TSPAN18: variants seen among roughly 807,000 people sequenced by gnomAD.
The protein encoded by TSPAN18 is tetraspanin-18.
In TSPAN18, 14 loss-of-function variants were observed where a neutral mutation model predicts 27.3. The ratio of observed to expected loss-of-function variants is 0.51; its 90% CI spans 0.34 to 0.80. The LOEUF (loss-of-function observed/expected upper bound fraction) is 0.80. Among genes scored for constraint, TSPAN18 ranks in the 30% least tolerant of loss-of-function variants. The pLI, the probability that TSPAN18 is intolerant of heterozygous loss-of-function variation, is 0.01. For missense variants in TSPAN18, 268 were observed against 323.9 expected (o/e 0.83, Z 1.32); for synonymous variants, 143 against 136.5 (o/e 1.05, Z -0.33).
Position 44,882,836 on chromosome 11 carries a change from C to A in TSPAN18, c.-11+22367C>A, listed in dbSNP as rs77638647. 2.8e-3 allele frequency among the ~76,000 whole-genome samples: 432 copies of A among 152,242 alleles called. 3 individuals are homozygous for A. Among genetic ancestry groups the A allele is most frequent in the African/African-American group, 0.01 (420 of 41,540 alleles). The stretch of plus-strand genomic sequence containing the variant: ...AAACCCAGACCCCCAGACCCCCAGA[C>A]CCAAGGGCGCTGCCTTTTGTTCTTA... On this transcript the variant is annotated intron_variant, in intron 3 of 9. Transcript: ENST00000520358.
At chr11:44,825,338 A>G (rs144707976) in intron 2 of TSPAN18, among the ~76,000 whole-genome samples, 377 of 152,268 alleles carry the variant, frequency 2.5e-3, no homozygotes, top group Non-Finnish European at 4.4e-3. Context: ...CTTTTTCCCC[A>G]TTTCACAAAT....
chr11:44,833,329 G>T (rs188543622), intron 2 of TSPAN18, among the ~76,000 whole-genome samples: 1 of 152,188 alleles, frequency 6.6e-6, no homozygotes, highest in East Asian at 1.9e-4. Context: ...TTGGTTTAAT[G>T]ATCAGAGACA....
upstream of TSPAN18, chr11:44,726,956 G>C: frequency 6.8e-6 from 1 of 146,166 alleles, no homozygotes; most frequent in Non-Finnish European, 1.5e-5. Flanking sequence ...GGGCTGGCGG[G>C]CGTGCAGCTG....
At chr11:44,846,445 G>A (rs1857483784) in intron 2 of TSPAN18, among the ~76,000 whole-genome samples, 1 of 152,268 alleles carries the variant, frequency 6.6e-6, no homozygotes, top group South Asian at 2.1e-4. Flanking sequence ...CCTCCCCTGA[G>A]GCCAGAGCTT....
chr11:44,904,426 G>A (rs1192072601), intron 3 of TSPAN18, among the ~76,000 whole-genome samples: 3 of 152,218 alleles, frequency 2.0e-5, no homozygotes. Context: ...CTTCCTCTTG[G>A]GCTCCAGGCA....
intron 2 of TSPAN18, among the ~76,000 whole-genome samples, chr11:44,858,871 C>A (rs1857805028): frequency 6.6e-6 from 1 of 152,314 alleles, no homozygotes; most frequent in South Asian, 2.1e-4. Context: ...TTGAAACAAT[C>A]TCTGTTGTCA....
chr11:44,890,164 G>A (rs1211394634), intron 3 of TSPAN18, among the ~76,000 whole-genome samples: 1 of 152,208 alleles, frequency 6.6e-6, no homozygotes, highest in Non-Finnish European at 1.5e-5. Context: ...ATTGTTGAGT[G>A]GCAGATTGGA....
chr11:44,912,368 C>G (rs149500372), intron 5 of TSPAN18, among the ~76,000 whole-genome samples: 101 of 151,838 alleles, frequency 6.7e-4, no homozygotes, highest in African/African-American at 2.2e-3. Flanking sequence ...TTTCCTTGTC[C>G]CTGTCCTGAT....
chr11:44,882,415 C>T (rs1349194977), intron 3 of TSPAN18, among the ~76,000 whole-genome samples: 1 of 152,150 alleles, frequency 6.6e-6, no homozygotes, highest in Non-Finnish European at 1.5e-5. Flanking sequence ...GTGGTTCACA[C>T]ATGCAGAGCC....
intron 5 of TSPAN18, 199 bp from the exon 6 acceptor site, chr11:44,917,773 T>G: frequency 1.7e-6 from 1 of 595,600 alleles, no homozygotes; most frequent in Non-Finnish European, 3.0e-6. Context: ...TTTCATATTT[T>G]GATCTCAATC....
intron 3 of TSPAN18, among the ~76,000 whole-genome samples, chr11:44,899,796 C>T (rs918893132): frequency 3.9e-5 from 6 of 152,180 alleles, no homozygotes; most frequent in African/African-American, 1.4e-4. Flanking sequence ...TAGGCCGGGT[C>T]CCACCTGACC....
At chr11:44,926,825 C>T in intron 9 of TSPAN18, 68 bp downstream of exon 9, 1 of 1,542,492 alleles carries the variant, frequency 6.5e-7, no homozygotes. Flanking sequence ...GGCAGATCCC[C>T]CCAGCCTCCT....
At chr11:44,845,418 A>G (rs1857460354) in intron 2 of TSPAN18, among the ~76,000 whole-genome samples, 1 of 152,242 alleles carries the variant, frequency 6.6e-6, no homozygotes, top group South Asian at 2.1e-4. Context: ...GAGTTTTGAC[A>G]TGGTGTGTAT....
At chr11:44,759,441 G>A (rs537336570) in intron 1 of TSPAN18, among the ~76,000 whole-genome samples, 1 of 152,290 alleles carries the variant, frequency 6.6e-6, no homozygotes, top group South Asian at 2.1e-4. Context: ...GTTTCTCAGG[G>A]TCTAGAGAAA....
intron 1 of TSPAN18, among the ~76,000 whole-genome samples, chr11:44,734,691 G>A (rs1289315339): frequency 1.3e-5 from 2 of 152,224 alleles, no homozygotes; most frequent in Non-Finnish European, 1.5e-5. Context: ...ACAAGAATTT[G>A]GAGCCCTGGG....
intron 1 of TSPAN18, among the ~76,000 whole-genome samples, chr11:44,733,653 C>T (rs1275368052): frequency 2.6e-5 from 4 of 152,076 alleles, no homozygotes; most frequent in African/African-American, 4.8e-5. Flanking sequence ...TGGAAACTAA[C>T]GGAGAAGGGT....
chr11:44,860,942 T>A (rs1312891934), intron 3 of TSPAN18, among the ~76,000 whole-genome samples: 2 of 152,238 alleles, frequency 1.3e-5, no homozygotes, highest in African/African-American at 4.8e-5. Flanking sequence ...AGACAGGCCA[T>A]TTATTAGCTT....
chr11:44,911,518 A>T (rs1374663374), intron 5 of TSPAN18, among the ~76,000 whole-genome samples: 1 of 152,188 alleles, frequency 6.6e-6, no homozygotes, highest in Non-Finnish European at 1.5e-5. Context: ...CCCCTGGTGG[A>T]CAATTCTCTA....
intron 3 of TSPAN18, among the ~76,000 whole-genome samples, chr11:44,878,852 C>T (rs1169897458): frequency 3.3e-5 from 5 of 152,114 alleles, no homozygotes; most frequent in Non-Finnish European, 5.9e-5. Context: ...AACATGTTGT[C>T]TTCCATTGCC....
Sources: gnomAD v4.1 joint callset for allele counts (sites outside exome capture counted in the v4.1 genomes callset) on GRCh38, gnomAD v4.1.1 for gene constraint, MANE v1.5 for transcripts, NCBI Gene and HGNC (gene_info 2026-07-23, HGNC 2026-07-21) for gene names.